DCUN1D1: variants seen among roughly 807,000 people sequenced by gnomAD.
DCUN1D1 encodes defective in cullin neddylation 1 domain containing 1.
In DCUN1D1, 3 loss-of-function variants were observed where a neutral mutation model predicts 39.0. The observed-to-expected ratio is 0.08, with a 90% CI of 0.04 to 0.20. The LOEUF is 0.20. Ranked by LOEUF, DCUN1D1 falls within the 10% of genes least tolerant of loss-of-function variation. The probability of loss-of-function intolerance (pLI) is 1.00; values close to 1 mark genes in which losing one functional copy is unlikely to be tolerated. For synonymous variants in DCUN1D1, 82 were observed against 96.3 expected, an observed-to-expected ratio of 0.85 and a Z score of 0.87; for missense variants, 158 against 302.4, an observed-to-expected ratio of 0.52 and a Z score of 3.54.
chr3:182,980,354 G>C (rs1728476519), intron 1 of DCUN1D1, 133 bp downstream of exon 1: 4 of 629,284 alleles, frequency 6.4e-6, no homozygotes, highest in Non-Finnish European at 8.0e-6. Context: ...CCCCCGCCTG[G>C]GAGCGGGACG....
intron 1 of DCUN1D1, among the ~76,000 whole-genome samples, chr3:182,975,771 GA>G (rs1181151888): frequency 1.4e-5 from 2 of 142,312 alleles, no homozygotes; most frequent in African/African-American, 5.3e-5. Flanking sequence ...TGGAACCAGA[GA>G]CCAGGGTCCT....
chr3:182,958,891 A>C (rs1046123194), intron 4 of DCUN1D1, among the ~76,000 whole-genome samples: 9 of 152,148 alleles, frequency 5.9e-5, no homozygotes, highest in African/African-American at 2.2e-4. Context: ...TTCACCCAAA[A>C]CACCATTTAT....
chr3:182,964,891 G>A (rs368722991), intron 2 of DCUN1D1, among the ~76,000 whole-genome samples: 10 of 151,760 alleles, frequency 6.6e-5, no homozygotes, highest in African/African-American at 2.2e-4. Flanking sequence ...TGACCACCTC[G>A]GCCTCCCAAA....
At chr3:182,954,112 T>C (rs1371007920) in intron 4 of DCUN1D1, among the ~76,000 whole-genome samples, 2 of 152,152 alleles carry the variant, frequency 1.3e-5, no homozygotes, top group Non-Finnish European at 2.9e-5. Flanking sequence ...AAAAGAGATA[T>C]AAAATAACAT....
At position 182,978,051 on chromosome 3, in the gene DCUN1D1, A is replaced by C. The variant is rs577469044; in HGVS notation, c.3+2436T>G. ...CAAAAACTCCATCTCAAAAAAAAAAAAACAACAACAACAAAAAACAAGTTC... is the reference window on the plus strand; with the variant it reads ...CAAAAACTCCATCTCAAAAAAAAAACAACAACAACAACAAAAAACAAGTTC... On this transcript the variant is annotated intron_variant, in intron 1 of 6. Coordinates refer to ENST00000292782, the MANE Select transcript of DCUN1D1 (RefSeq NM_020640.4). 3.2e-4 allele frequency among the ~76,000 whole-genome samples: 48 copies of C among 151,532 alleles called. 1 individual carries two copies. Among genetic ancestry groups the C allele is most frequent in the African/African-American group, 9.4e-4 (39 of 41,432 alleles).
At chr3:182,955,175 G>A (rs1421294812) in intron 4 of DCUN1D1, among the ~76,000 whole-genome samples, 1 of 151,976 alleles carries the variant, frequency 6.6e-6, no homozygotes, top group East Asian at 1.9e-4. Flanking sequence ...CGAGTAGCTA[G>A]GATTACAGGC....
At chr3:182,973,479 G>A (rs1043216383) in intron 1 of DCUN1D1, among the ~76,000 whole-genome samples, 12 of 152,136 alleles carry the variant, frequency 7.9e-5, no homozygotes, top group African/African-American at 2.7e-4. Flanking sequence ...CGTAATTATT[G>A]TGCACAATGA....
At chr3:182,947,110 C>A (rs1726449995) in intron 6 of DCUN1D1, 128 bp downstream of exon 6, 2 of 587,710 alleles carry the variant, frequency 3.4e-6, no homozygotes, top group Middle Eastern at 3.6e-4. Flanking sequence ...TCAAAAAAAA[C>A]AAAAACAAAA....
Position 182,980,537 on chromosome 3 carries a change from A to C in DCUN1D1, c.-48T>G. On this transcript the variant is annotated 5_prime_UTR_variant, in exon 1 of 7. Coordinates refer to ENST00000292782, the MANE Select transcript of DCUN1D1 (RefSeq NM_020640.4). The stretch of plus-strand genomic sequence containing the variant: ...CCCTCCTCCTCCGGCTCCGCAGCGA[A>C]TGGACGGCGGCGGCGGCGGCGGCTC... 3.3e-6 allele frequency: 4 copies of C among 1,222,930 alleles called. No homozygotes were observed. The highest frequency in any genetic ancestry group is 4.6e-5 in the East Asian group (1 of 21,612). The allele number at this position is 1,222,930 out of a possible 1,614,324, so 75.8% of individuals were successfully genotyped here.
At chr3:182,949,536 A>AT (rs1296075745) in intron 4 of DCUN1D1, among the ~76,000 whole-genome samples, 9 of 152,216 alleles carry the variant, frequency 5.9e-5, no homozygotes, top group African/African-American at 2.2e-4. Context: ...CCTGGGCAAC[A>AT]TAGCAAGACC....
At chr3:182,952,605 C>A (rs1726812235) in intron 4 of DCUN1D1, among the ~76,000 whole-genome samples, 3 of 152,058 alleles carry the variant, frequency 2.0e-5, no homozygotes, top group African/African-American at 7.2e-5. Flanking sequence ...CAATGGAACA[C>A]TTCTCATTAG....
chr3:182,965,809 AT>A, intron 1 of DCUN1D1, 56 bp from the exon 2 acceptor site: 1 of 1,135,728 alleles, frequency 8.8e-7, no homozygotes, highest in Non-Finnish European at 1.3e-6. Context: ...AAGACTAAAT[AT>A]TTCTATATGG....
At chr3:182,957,012 C>T (rs1727109081) in intron 4 of DCUN1D1, among the ~76,000 whole-genome samples, 1 of 152,164 alleles carries the variant, frequency 6.6e-6, no homozygotes, top group African/African-American at 2.4e-5. Context: ...AATTGGAATG[C>T]TGGCCTGGAG....
Position 182,952,201 on chromosome 3 carries a change from C to A in DCUN1D1, c.521-4569G>T, listed in dbSNP as rs562715878. Among the ~76,000 whole-genome samples the A allele has an allele frequency of 7.9e-5, 12 of 152,240 alleles. No homozygotes were observed. In the South Asian group the frequency reaches 2.5e-3, roughly 32 times the overall value. On this transcript the variant is annotated intron_variant, in intron 4 of 6. Transcript: ENST00000292782. ...GAACTGAGCATACCTCCTGATAGAA[C>A]TGTCACTTCCTTCAGCTTCAATGAT...
At position 182,939,179 on chromosome 3, in the gene DCUN1D1, T is replaced by TA. The variant is rs757571624; in HGVS notation, c.*5914dup. 2.0e-5 allele frequency: 3 copies of TA among 152,044 alleles called. No homozygotes were observed. Among genetic ancestry groups the TA allele is most frequent in the Admixed American group, 6.5e-5 (1 of 15,268 alleles). The allele number at this position is 152,044 out of a possible 1,614,324, so 9.4% of individuals were successfully genotyped here. ...GTATAACTCACACACATAAAGTAAA[T>TA]ACCCGCCAGGATGGCTGCAATAAAA... On this transcript the variant is annotated 3_prime_UTR_variant, in exon 7 of 7. Transcript: ENST00000292782.
Position 182,944,104 on chromosome 3 carries a change from T to G in DCUN1D1, c.*990A>C, listed in dbSNP as rs1373791504. 9.2e-5 allele frequency: 14 copies of G among 152,592 alleles called. No homozygotes were observed. Among genetic ancestry groups the G allele is most frequent in the Admixed American group, 9.2e-4 (14 of 15,276 alleles). The allele number at this position is 152,592 out of a possible 1,614,324, so 9.5% of individuals were successfully genotyped here. On this transcript the variant is annotated 3_prime_UTR_variant, in exon 7 of 7. Coordinates refer to ENST00000292782, the MANE Select transcript of DCUN1D1 (RefSeq NM_020640.4). ...TCAAAATTTAACTGCAACTATCTTCTTATAAATTAAGAGAATTCCATTTGT... is the reference window on the plus strand; with the variant it reads ...TCAAAATTTAACTGCAACTATCTTCGTATAAATTAAGAGAATTCCATTTGT...
intron 1 of DCUN1D1, among the ~76,000 whole-genome samples, chr3:182,973,004 T>C (rs1030014516): frequency 6.6e-6 from 1 of 151,888 alleles, no homozygotes; most frequent in East Asian, 1.9e-4. Flanking sequence ...ATCACACCAT[T>C]GCGCTCCAAT....
At chr3:182,981,662 T>C (rs1423192320), upstream of DCUN1D1, among the ~76,000 whole-genome samples, 3 of 152,206 alleles carry the variant, frequency 2.0e-5, no homozygotes, top group Non-Finnish European at 2.9e-5. Context: ...AGACCCGTTA[T>C]CACCATCATC....
intron 1 of DCUN1D1, among the ~76,000 whole-genome samples, chr3:182,967,858 T>C (rs1302337337): frequency 6.6e-6 from 1 of 152,246 alleles, no homozygotes; most frequent in Non-Finnish European, 1.5e-5. Context: ...ACCATTTTGA[T>C]TCCAACTTTT....
Sources: gnomAD v4.1 joint callset for allele counts (sites outside exome capture counted in the v4.1 genomes callset) on GRCh38, gnomAD v4.1.1 for gene constraint, MANE v1.5 for transcripts, NCBI Gene and HGNC (gene_info 2026-07-23, HGNC 2026-07-21) for gene names.